PDE4D: variants seen among roughly 807,000 people sequenced by gnomAD.
The protein encoded by PDE4D is 3',5'-cyclic-AMP phosphodiesterase 4D.
A neutral mutation model predicts 87.4 loss-of-function variants in PDE4D; 24 were observed. The observed-to-expected ratio is 0.27, with a 90% CI of 0.20 to 0.39. The LOEUF (loss-of-function observed/expected upper bound fraction) is 0.39. PDE4D is among the 10% of genes least tolerant of loss of function. The probability of loss-of-function intolerance (pLI) is 1.00; values close to 1 mark genes in which losing one functional copy is unlikely to be tolerated. For missense variants in PDE4D, 714 were observed against 1,041.0 expected, an observed-to-expected ratio of 0.69 and a Z score of 4.32; for synonymous variants, 384 against 383.2, an observed-to-expected ratio of 1.00 and a Z score of -0.02.
At chr5:60,226,895 T>C (rs1745178202) in intron 1 of PDE4D, among the ~76,000 whole-genome samples, 1 of 151,886 alleles carries the variant, frequency 6.6e-6, no homozygotes, top group African/African-American at 2.4e-5. Context: ...TTAAACTAAC[T>C]TCACCATCCC....
chr5:59,065,782 G>A (rs984278123), intron 5 of PDE4D, among the ~76,000 whole-genome samples: 10 of 152,066 alleles, frequency 6.6e-5, no homozygotes, highest in Non-Finnish European at 1.0e-4. Flanking sequence ...TCGGCATTTG[G>A]AAGTTATTGA....
chr5:59,951,547 T>C lies in PDE4D; in HGVS notation c.272+36941A>G, dbSNP rs185139862. Among the ~76,000 whole-genome samples, 6 of 152,328 alleles carry C rather than the reference T, an allele frequency of 3.9e-5. No homozygotes were observed. The East Asian group carries it at 1.2e-3, about 29-fold the overall frequency. On this transcript the variant is annotated intron_variant, in intron 3 of 16. Transcript: ENST00000502484. The stretch of plus-strand genomic sequence containing the variant: ...TTAGCTTTGTGAAAGATTCATGATG[T>C]CTAATTTCTGATTTCAGAGCTTGCC...
At chr5:59,624,072 C>T (rs559418631) in intron 1 of PDE4D, among the ~76,000 whole-genome samples, 2 of 152,204 alleles carry the variant, frequency 1.3e-5, no homozygotes, top group South Asian at 4.1e-4. Context: ...AGGATAGAAG[C>T]CTTCTTACAT....
chr5:60,088,569 A>G (rs556967340), intron 2 of PDE4D, among the ~76,000 whole-genome samples: 191 of 152,092 alleles, frequency 1.3e-3, no homozygotes, highest in African/African-American at 4.4e-3. Context: ...TATTTGCATC[A>G]AAGTTAAACT....
chr5:59,958,999 G>A (rs550608891), intron 3 of PDE4D, among the ~76,000 whole-genome samples: 1 of 151,954 alleles, frequency 6.6e-6, no homozygotes, highest in Non-Finnish European at 1.5e-5. Context: ...AAAGTTTCAG[G>A]ATACAAAATG....
chr5:59,586,189 C>A, intron 1 of PDE4D: 3 of 577,194 alleles, frequency 5.2e-6, no homozygotes, highest in Non-Finnish European at 6.0e-6. Flanking sequence ...CTTTCTCAGA[C>A]AATATTCGGT....
At chr5:60,226,999 A>G (rs1454398410) in intron 1 of PDE4D, among the ~76,000 whole-genome samples, 2 of 152,158 alleles carry the variant, frequency 1.3e-5, no homozygotes, top group African/African-American at 4.8e-5. Flanking sequence ...AATAATTTCC[A>G]ATCAGTCTTT....
Position 59,893,506 on chromosome 5 carries a change from G to A in PDE4D, c.117C>T (p.His39=). ...PKHLWRHEQH[H]QYPLRQPQFR... is the part of the protein sequence containing the mutation. Reference sequence around the variant, plus strand: ...ACTGGGGCTGCCGGAGCGGGTACTGGTGGTGCTGCTCGTGCCTCCAGAGAT... The same window carrying A: ...ACTGGGGCTGCCGGAGCGGGTACTGATGGTGCTGCTCGTGCCTCCAGAGAT... The change falls in exon 1 of 15, where the codon CAC becomes CAT. Residue 39 remains histidine, a synonymous_variant. Coordinates refer to ENST00000340635, the MANE Select transcript of PDE4D (RefSeq NM_001104631.2). 6.5e-7 allele frequency: 1 copy of A among 1,541,914 alleles called. No individual in the cohort carries two copies.
intron 3 of PDE4D, chr5:59,987,067 A>G (rs1762522572): frequency 6.6e-6 from 1 of 152,174 alleles, no homozygotes; most frequent in African/African-American, 2.4e-5. Context: ...GCTATAACAC[A>G]TCAGAGCCAT....
intron 1 of PDE4D, among the ~76,000 whole-genome samples, chr5:60,287,464 G>C (rs1444703901): frequency 6.6e-6 from 1 of 152,142 alleles, no homozygotes; most frequent in Non-Finnish European, 1.5e-5. Context: ...TCAAAGACAA[G>C]AACTAAAATT....
At chr5:59,823,893 TATC>T (rs1439014367) in intron 1 of PDE4D, among the ~76,000 whole-genome samples, 4 of 150,260 alleles carry the variant, frequency 2.7e-5, no homozygotes, top group African/African-American at 9.9e-5. Flanking sequence ...GGCTCCTGCC[TATC>T]ATCCTCATGT....
intron 2 of PDE4D, among the ~76,000 whole-genome samples, chr5:60,106,292 C>A (rs954957028): frequency 1.3e-5 from 2 of 151,856 alleles, no homozygotes; most frequent in Non-Finnish European, 2.9e-5. Flanking sequence ...GGGATCAATT[C>A]AACAAGAAGA....
intron 2 of PDE4D, among the ~76,000 whole-genome samples, chr5:60,002,451 A>G (rs1171794112): frequency 6.6e-6 from 1 of 152,150 alleles, no homozygotes; most frequent in Non-Finnish European, 1.5e-5. Flanking sequence ...CCAGAATCAG[A>G]TAAGGACCCT....
intron 1 of PDE4D, among the ~76,000 whole-genome samples, chr5:60,289,103 G>A (rs1417638771): frequency 6.6e-6 from 1 of 152,130 alleles, no homozygotes; most frequent in Admixed American, 6.6e-5. Flanking sequence ...GCTAAAAGAA[G>A]GTTGTTCTAA....
intron 1 of PDE4D, among the ~76,000 whole-genome samples, chr5:59,642,487 G>A (rs1308840162): frequency 2.6e-5 from 4 of 152,038 alleles, no homozygotes; most frequent in South Asian, 4.2e-4. Context: ...TTGAATCATG[G>A]GGGAAGTTTC....
chr5:60,355,516 C>T (rs1381991262), intron 1 of PDE4D, among the ~76,000 whole-genome samples: 1 of 152,086 alleles, frequency 6.6e-6, no homozygotes, highest in Non-Finnish European at 1.5e-5. Flanking sequence ...TCTTTCCAGA[C>T]ATGAAAAACC....
intron 1 of PDE4D, among the ~76,000 whole-genome samples, chr5:59,603,433 T>C (rs1053296947): frequency 1.3e-5 from 2 of 151,894 alleles, no homozygotes; most frequent in African/African-American, 4.8e-5. Flanking sequence ...TGCATACTAA[T>C]ACTACAATGA....
intron 2 of PDE4D, among the ~76,000 whole-genome samples, chr5:59,214,079 A>ACACACACAC (rs1561725422): frequency 2.4e-5 from 3 of 123,680 alleles, no homozygotes; most frequent in African/African-American, 9.4e-5. Context: ...CACACACACA[A>ACACACACAC]CCATTCTATA....
intron 1 of PDE4D, among the ~76,000 whole-genome samples, chr5:59,257,712 T>A (rs565639662): frequency 1.7e-4 from 26 of 151,970 alleles, no homozygotes; most frequent in Non-Finnish European, 3.2e-4. Flanking sequence ...CAAAGTGAGA[T>A]CTTACACCTA....
Sources: gnomAD v4.1 joint callset for allele counts (sites outside exome capture counted in the v4.1 genomes callset) on GRCh38, gnomAD v4.1.1 for gene constraint, MANE v1.5 for transcripts, NCBI Gene and HGNC (gene_info 2026-07-23, HGNC 2026-07-21) for gene names.